The following UPF2 variants were observed in gnomAD, a reference collection of about 807,000 sequenced individuals.
UPF2 encodes the protein UPF2 regulator of nonsense mediated mRNA decay.
Under a neutral mutation model 141.4 loss-of-function variants are expected in UPF2, and 17 were observed. The observed-to-expected ratio is 0.12, with a 90% CI of 0.08 to 0.18. The LOEUF (loss-of-function observed/expected upper bound fraction) is 0.18, where lower values mean the gene tolerates loss of function less well. Ranked by LOEUF, UPF2 falls within the 10% of genes least tolerant of loss-of-function variation. The pLI is 1.00. For missense variants in UPF2, 1,152 were observed against 1,515.9 expected, an observed-to-expected ratio of 0.76 and a Z score of 3.99; for synonymous variants, 540 against 498.0, an observed-to-expected ratio of 1.08 and a Z score of -1.12.
At chr10:11,942,123 C>G (rs1471700757) in intron 18 of UPF2, among the ~76,000 whole-genome samples, 1 of 152,122 alleles carries the variant, frequency 6.6e-6, no homozygotes, top group Non-Finnish European at 1.5e-5. Context: ...GCTGTAATCC[C>G]AGCACTTTGG....
chr10:12,036,028 T>C (rs1216423643), intron 1 of UPF2: 1 of 152,222 alleles, frequency 6.6e-6, no homozygotes, highest in Non-Finnish European at 1.5e-5. Flanking sequence ...CTGTTAACTA[T>C]CTCAAATTAA....
intron 9 of UPF2, among the ~76,000 whole-genome samples, chr10:11,976,102 T>C (rs779469070): frequency 1.3e-5 from 2 of 152,228 alleles, no homozygotes; most frequent in Non-Finnish European, 2.9e-5. Context: ...CTAATTTCTA[T>C]TACCTTTTCT....
At chr10:12,026,611 G>GT (rs773350472) in intron 3 of UPF2, 2 of 447,948 alleles carry the variant, frequency 4.5e-6, no homozygotes, top group Non-Finnish European at 8.9e-6. Flanking sequence ...TAAAAATATA[G>GT]TAAGAATACC....
chr10:11,978,026 C>A (rs1376720905), intron 9 of UPF2, among the ~76,000 whole-genome samples: 1 of 152,192 alleles, frequency 6.6e-6, no homozygotes, highest in Non-Finnish European at 1.5e-5. Context: ...AGACTCTCTC[C>A]TTCCTTCGCA....
rs1449780982 is a variant in UPF2 at position 11,920,175 on chromosome 10, A to G, written c.*1123T>C. ...AAACTGAAACATGGTAAAAGAAAAAATGCAAAATAGCTAGAAAAAAAGATG... is the reference window on the plus strand; with the variant it reads ...AAACTGAAACATGGTAAAAGAAAAAGTGCAAAATAGCTAGAAAAAAAGATG... On this transcript the variant is annotated 3_prime_UTR_variant, in exon 22 of 22. Transcript: ENST00000357604. 1 of 152,240 alleles carries G rather than the reference A, an allele frequency of 6.6e-6. No individual in the cohort carries two copies. Among genetic ancestry groups the G allele is most frequent in the Non-Finnish European group, 1.5e-5 (1 of 68,038 alleles). 9.4% of individuals were successfully genotyped at this position (152,240 alleles called of 1,614,324 possible). A position where few individuals can be genotyped will look rare whatever the true frequency, so the allele number is the denominator to read the frequency against.
rs761993891 is a variant in UPF2, at chr10:11,999,968, G to T, written c.1696C>A (p.Leu566Ile). ...EEASTGSHLK[L>I]IVDAFLQQLP... is the part of the protein sequence containing the mutation. ...TGCTGTAGGAAAGCATCTACTATGA[G>T]CTTGAGATGAGATCCAGTGCTGGCT... Residue 566 changes from leucine (L) to isoleucine (I), a missense_variant, in exon 7 of 22, where the codon CTC becomes ATC. Coordinates refer to ENST00000357604, the MANE Select transcript of UPF2 (RefSeq NM_015542.4). 6.2e-7 allele frequency: 1 copy of T among 1,613,128 alleles called. No homozygotes were observed. Among genetic ancestry groups the T allele is most frequent in the Non-Finnish European group, 8.5e-7 (1 of 1,179,738 alleles).
At chr10:12,017,638 T>C (rs1353731573) in intron 3 of UPF2, among the ~76,000 whole-genome samples, 1 of 152,194 alleles carries the variant, frequency 6.6e-6, no homozygotes, top group Non-Finnish European at 1.5e-5. Flanking sequence ...ACCTAACTAA[T>C]GAGTGTGTAC....
chr10:11,934,812 A>T lies in UPF2; in HGVS notation c.3546+1733T>A, dbSNP rs185161981. Among the ~76,000 whole-genome samples the T allele has an allele frequency of 3.5e-4, 54 of 152,116 alleles. 1 individual carries two copies. The East Asian group carries it at 0.01, about 29-fold the overall frequency. On this transcript the variant is annotated intron_variant, in intron 19 of 21. Transcript: ENST00000357604. ...ACTATGTTGGTCAGGCTGGTCTTGAATCCCTGACCTTGTGATCCGCCCGCC... is the reference window on the plus strand; with the variant it reads ...ACTATGTTGGTCAGGCTGGTCTTGATTCCCTGACCTTGTGATCCGCCCGCC...
At chr10:11,930,069 T>C (rs1416096783) in intron 20 of UPF2, 84 bp from the exon 21 acceptor site, 1 of 1,576,284 alleles carries the variant, frequency 6.3e-7, no homozygotes, top group Admixed American at 1.8e-5. Flanking sequence ...GTTGGGGAGA[T>C]TAAGTTTATT....
intron 13 of UPF2, among the ~76,000 whole-genome samples, chr10:11,955,856 T>C (rs561020092): frequency 5.3e-5 from 8 of 152,226 alleles, no homozygotes; most frequent in Non-Finnish European, 7.4e-5. Flanking sequence ...AAGAGGAAAC[T>C]GTTAGGCCGG....
chr10:11,975,883 C>T (rs1191907045), intron 9 of UPF2, among the ~76,000 whole-genome samples: 1 of 152,150 alleles, frequency 6.6e-6, no homozygotes, highest in African/African-American at 2.4e-5. Context: ...GATTAGATGA[C>T]CATTTTATTA....
chr10:11,959,321 A>G lies in UPF2; in HGVS notation c.2220T>C (p.Leu740=), dbSNP rs747038667. ...QMMRKKQAMH[L]DARYVTMVEN... is the part of the protein sequence containing the mutation. The stretch of plus-strand genomic sequence containing the variant: ...CTACCATTGTGACGTATCTCGCATC[A>G]AGATGCATTGCTTGCTTCTTTCTCA... Residue 740 remains leucine (L), a synonymous_variant, in exon 12 of 22, where the codon CTT becomes CTC. Transcript: ENST00000357604. This position sits in a 1 kb window ranked among gnomAD's most constrained non-coding sequence, Gnocchi z 5.9. 158 of 1,591,434 alleles carry G rather than the reference A, an allele frequency of 9.9e-5. No homozygotes were observed. Among genetic ancestry groups the G allele is most frequent in the Non-Finnish European group, 1.3e-4 (147 of 1,173,214 alleles).
Position 12,028,831 on chromosome 10 carries a change from C to G in UPF2, c.1059G>C (p.Gln353His). The change falls in exon 3 of 22, where the codon CAG (glutamine) becomes CAC (histidine). Residue 353 changes from glutamine (Q) to histidine (H), a missense_variant. This residue lies in a region of UPF2 where 739 missense variants were observed against 1,032.2 expected (regional missense o/e 0.72). Transcript: ENST00000357604. ...IISPEKQQPF[Q>H]NLLKEYFTSL... ...ACGTAAAGTACTCTTTTAAAAGATT[C>G]TGGAAGGGCTGTTGTTTCTCTGGAC... 1 of 1,614,126 alleles carries G rather than the reference C, an allele frequency of 6.2e-7. No homozygotes were observed. Among genetic ancestry groups the G allele is most frequent in the African/African-American group, 1.3e-5 (1 of 75,058 alleles).
intron 8 of UPF2, among the ~76,000 whole-genome samples, chr10:11,993,253 T>C (rs1169046476): frequency 6.6e-6 from 1 of 151,950 alleles, no homozygotes; most frequent in Non-Finnish European, 1.5e-5. Flanking sequence ...AAGAACACTT[T>C]ATAATGATAA....
At chr10:11,930,667 T>A (rs1832772470) in intron 20 of UPF2, among the ~76,000 whole-genome samples, 1 of 152,092 alleles carries the variant, frequency 6.6e-6, no homozygotes, top group Admixed American at 6.5e-5. Context: ...TCTTAGCTAC[T>A]TGGGGGCTGA....
In UPF2 at chr10:11,959,467, G is replaced by A; in HGVS notation, c.2185-111C>T. 1 of 1,174,772 alleles carries A rather than the reference G, an allele frequency of 8.5e-7. No homozygotes were observed. The highest frequency in any genetic ancestry group is 1.8e-5 in the South Asian group (1 of 56,574). 72.8% of individuals were successfully genotyped at this position (1,174,772 alleles called of 1,614,324 possible). On this transcript the variant is annotated intron_variant, in intron 11 of 21. Coordinates refer to ENST00000357604, the MANE Select transcript of UPF2 (RefSeq NM_015542.4). This position sits in a 1 kb window ranked among gnomAD's most constrained non-coding sequence, Gnocchi z 5.9. ...CTATTTCAAAGTAATGGGTTAGAAA[G>A]GCAAAGAAAGGACTGGGCACTGTGG...
At chr10:12,034,631 C>A (rs965206926) in intron 2 of UPF2, among the ~76,000 whole-genome samples, 71 of 152,102 alleles carry the variant, frequency 4.7e-4, no homozygotes, top group Admixed American at 3.3e-3. Flanking sequence ...CATGGTGAAA[C>A]GCCATCTCTA....
At chr10:11,997,559 C>A (rs1833884245) in intron 8 of UPF2, 113 bp downstream of exon 8, 1 of 910,868 alleles carries the variant, frequency 1.1e-6, no homozygotes, top group Non-Finnish European at 1.7e-6. Flanking sequence ...ATGCTAATGA[C>A]CTACAGAGTG....
chr10:11,962,232 C>A (rs547756850), intron 11 of UPF2, among the ~76,000 whole-genome samples: 1 of 152,326 alleles, frequency 6.6e-6, no homozygotes, highest in Admixed American at 6.5e-5. Context: ...TTAGCCAAGA[C>A]TAATTTTGAA....
Sources: allele counts gnomAD v4.1 joint callset (sites outside exome capture counted in the v4.1 genomes callset), GRCh38; gene constraint gnomAD v4.1.1; regional missense constraint gnomAD v4.1.1; non-coding constraint Gnocchi (gnomAD v3.1); transcripts MANE v1.5; gene names NCBI Gene and HGNC (gene_info 2026-07-23, HGNC 2026-07-21).